Variants in PEX5L observed in about 807,000 individuals in gnomAD.
The protein encoded by PEX5L is PEX5-related protein.
PEX5L carries 30 observed loss-of-function variants against 84.0 expected under a neutral mutation model. The observed-to-expected ratio is 0.36, with a 90% CI of 0.27 to 0.48. The LOEUF (loss-of-function observed/expected upper bound fraction) is 0.48. Among genes scored for constraint, PEX5L ranks in the 20% least tolerant of loss-of-function variants. The pLI is 0.99. For synonymous variants in PEX5L, 270 were observed against 283.1 expected (o/e 0.95, Z 0.46); for missense variants, 533 against 754.6 (o/e 0.71, Z 3.44).
At chr3:179,987,581 C>T (rs952197726) in intron 1 of PEX5L, among the ~76,000 whole-genome samples, 2 of 152,132 alleles carry the variant, frequency 1.3e-5, no homozygotes, top group African/African-American at 4.8e-5. Flanking sequence ...TCAGAACATT[C>T]CCTTGATGGT....
chr3:179,913,795 T>C (rs1443840774), intron 2 of PEX5L, among the ~76,000 whole-genome samples: 3 of 152,200 alleles, frequency 2.0e-5, no homozygotes, highest in Non-Finnish European at 2.9e-5. Context: ...GATTCGTGTA[T>C]TACAGAATTC....
At chr3:180,014,731 G>GA (rs1349408016) in intron 1 of PEX5L, among the ~76,000 whole-genome samples, 3 of 151,444 alleles carry the variant, frequency 2.0e-5, no homozygotes, top group African/African-American at 7.3e-5. Context: ...TAATACTACT[G>GA]GAAAAAAAAT....
At chr3:179,880,502 T>G (rs1753829070) in intron 4 of PEX5L, among the ~76,000 whole-genome samples, 3 of 152,216 alleles carry the variant, frequency 2.0e-5, no homozygotes, top group African/African-American at 7.2e-5. Context: ...TATTCAGAGA[T>G]TTAGTGAAGG....
chr3:179,934,508 AG>A (rs1774050949), intron 2 of PEX5L, among the ~76,000 whole-genome samples: 1 of 152,242 alleles, frequency 6.6e-6, no homozygotes, highest in South Asian at 2.1e-4. Context: ...TTTGTGGGTG[AG>A]GTCTCTGAGT....
chr3:179,875,505 G>T (rs1344149725), intron 5 of PEX5L, 28 bp from the exon 6 acceptor site: 14 of 1,606,964 alleles, frequency 8.7e-6, no homozygotes. Flanking sequence ...AGCAGGTGAG[G>T]CAGGTGGCGG....
chr3:180,027,800 T>A (rs1365536547), intron 1 of PEX5L, among the ~76,000 whole-genome samples: 1 of 152,224 alleles, frequency 6.6e-6, no homozygotes, highest in Non-Finnish European at 1.5e-5. Flanking sequence ...TCCTTTTAAT[T>A]TGTAACAGCT....
Position 179,862,838 on chromosome 3 carries a change from C to A in PEX5L, c.727-3681G>T, listed in dbSNP as rs1390718587. Among the ~76,000 whole-genome samples, 5 of 151,990 alleles carry A rather than the reference C, an allele frequency of 3.3e-5. No homozygotes were observed. The South Asian group carries it at 6.2e-4, about 19-fold the overall frequency. ...GTTTTCCACAGAAATAAAAAAAAATCATAAAATTTGTACAGACTCACAAGA... is the reference window on the plus strand; with the variant it reads ...GTTTTCCACAGAAATAAAAAAAAATAATAAAATTTGTACAGACTCACAAGA... On this transcript the variant is annotated intron_variant, in intron 7 of 14. Transcript: ENST00000467460.
At chr3:179,933,468 T>G (rs1052798338) in intron 2 of PEX5L, among the ~76,000 whole-genome samples, 2 of 152,146 alleles carry the variant, frequency 1.3e-5, no homozygotes, top group African/African-American at 4.8e-5. Context: ...GAAAACTAAT[T>G]TCAATACCAG....
intron 2 of PEX5L, among the ~76,000 whole-genome samples, chr3:179,956,019 T>C (rs934722956): frequency 3.3e-5 from 5 of 152,164 alleles, no homozygotes; most frequent in African/African-American, 1.2e-4. Context: ...GACGATACCA[T>C]CTTGGATTTA....
intron 1 of PEX5L, among the ~76,000 whole-genome samples, chr3:179,988,416 A>AAATAAATAAATG (rs1210081197): frequency 7.9e-5 from 12 of 151,296 alleles, no homozygotes; most frequent in Admixed American, 7.9e-4. Context: ...ATAAATAAAT[A>AAATAAATAAATG]AATAAAATAA....
At chr3:179,971,534 G>A in intron 2 of PEX5L, 60 bp downstream of exon 2, 2 of 1,530,652 alleles carry the variant, frequency 1.3e-6, no homozygotes, top group Non-Finnish European at 1.8e-6. Flanking sequence ...ACACTCAAAA[G>A]GCTTTAGTCA....
intron 1 of PEX5L, among the ~76,000 whole-genome samples, chr3:180,009,908 T>C (rs1305159380): frequency 6.6e-6 from 1 of 152,154 alleles, no homozygotes; most frequent in Non-Finnish European, 1.5e-5. Context: ...CTCCTCCACC[T>C]GCCAGAAACA....
chr3:180,015,058 C>T (rs775840446), intron 1 of PEX5L, among the ~76,000 whole-genome samples: 23 of 152,218 alleles, frequency 1.5e-4, no homozygotes, highest in Non-Finnish European at 3.2e-4. Flanking sequence ...CAATAACATA[C>T]TTGTAAAAGT....
At chr3:179,833,763 TA>T (rs1303541094) in intron 8 of PEX5L, among the ~76,000 whole-genome samples, 3 of 152,182 alleles carry the variant, frequency 2.0e-5, no homozygotes, top group Non-Finnish European at 4.4e-5. Context: ...CTACCTAGTC[TA>T]CCTATGCTGG....
intron 7 of PEX5L, among the ~76,000 whole-genome samples, chr3:179,866,792 A>C (rs1748369770): frequency 6.6e-6 from 1 of 151,952 alleles, no homozygotes; most frequent in Non-Finnish European, 1.5e-5. Context: ...TGGGAGGCCG[A>C]GGTGGGCGGA....
chr3:179,866,023 C>T (rs1199445715), intron 7 of PEX5L, among the ~76,000 whole-genome samples: 3 of 152,130 alleles, frequency 2.0e-5, no homozygotes, highest in African/African-American at 7.2e-5. Context: ...TTACAAATGG[C>T]ATTTTAATTG....
chr3:179,832,775 C>CG (rs1733629135), intron 8 of PEX5L, among the ~76,000 whole-genome samples: 1 of 151,180 alleles, frequency 6.6e-6, no homozygotes, highest in Non-Finnish European at 1.5e-5. Flanking sequence ...GATCTACCTA[C>CG]TTACCCGCCC....
intron 2 of PEX5L, among the ~76,000 whole-genome samples, chr3:179,959,410 TG>T (rs1230734163): frequency 6.6e-6 from 1 of 152,198 alleles, no homozygotes; most frequent in Non-Finnish European, 1.5e-5. Context: ...GTCTGTTGAC[TG>T]TAAGTCCAAC....
chr3:179,860,252 A>G (rs550741927), intron 7 of PEX5L, among the ~76,000 whole-genome samples: 2 of 152,334 alleles, frequency 1.3e-5, no homozygotes, highest in African/African-American at 2.4e-5. Flanking sequence ...ACATACGCCT[A>G]AGGGCTGCAG....
Sources: allele counts gnomAD v4.1 joint callset (sites outside exome capture counted in the v4.1 genomes callset), GRCh38; gene constraint gnomAD v4.1.1; transcripts MANE v1.5; gene names NCBI Gene and HGNC (gene_info 2026-07-23, HGNC 2026-07-21).